The following INPP4A variants were observed in gnomAD, a reference collection of about 807,000 sequenced individuals.
INPP4A encodes inositol polyphosphate-4-phosphatase type I A.
INPP4A carries 33 observed loss-of-function variants against 119.8 expected under a neutral mutation model. The observed-to-expected ratio is 0.28, with a 90% CI of 0.21 to 0.37. INPP4A has a LOEUF of 0.37. Ranked by LOEUF, INPP4A falls within the 10% of genes least tolerant of loss-of-function variation. The pLI, the probability that INPP4A is intolerant of heterozygous loss-of-function variation, is 1.00. For synonymous variants in INPP4A, 496 were observed against 500.7 expected, an observed-to-expected ratio of 0.99 and a Z score of 0.12; for missense variants, 956 against 1,289.9, an observed-to-expected ratio of 0.74 and a Z score of 3.97.
At chr2:98,514,162 A>G (rs1363741525) in intron 1 of INPP4A, among the ~76,000 whole-genome samples, 4 of 152,202 alleles carry the variant, frequency 2.6e-5, no homozygotes, top group Admixed American at 6.5e-5. Context: ...CGTTAAAGTC[A>G]TCTCACACCA....
intron 4 of INPP4A, among the ~76,000 whole-genome samples, chr2:98,530,537 CA>C (rs775447781): frequency 6.6e-6 from 1 of 152,174 alleles, no homozygotes; most frequent in Non-Finnish European, 1.5e-5. Flanking sequence ...ATAGGGACTA[CA>C]GGTTCATTAA....
intron 14 of INPP4A, among the ~76,000 whole-genome samples, chr2:98,553,790 C>T (rs1344478268): frequency 6.6e-6 from 1 of 152,204 alleles, no homozygotes; most frequent in African/African-American, 2.4e-5. Context: ...CAGAATTCTC[C>T]AAAACCAGAC....
At chr2:98,580,745 A>G (rs1268033597) in intron 24 of INPP4A, among the ~76,000 whole-genome samples, 1 of 152,234 alleles carries the variant, frequency 6.6e-6, no homozygotes, top group Non-Finnish European at 1.5e-5. Context: ...GAGCCTTCAC[A>G]GGCTGCCTGC....
intron 13 of INPP4A, among the ~76,000 whole-genome samples, chr2:98,548,223 G>A (rs1200833892): frequency 6.6e-6 from 1 of 152,186 alleles, no homozygotes; most frequent in Non-Finnish European, 1.5e-5. Context: ...CCGGAGGGAG[G>A]AGAAACAGGG....
intron 24 of INPP4A, among the ~76,000 whole-genome samples, chr2:98,586,962 C>T (rs1434948826): frequency 6.6e-6 from 1 of 152,224 alleles, no homozygotes; most frequent in Non-Finnish European, 1.5e-5. Flanking sequence ...GACCAGAACG[C>T]CTTCCTAGCC....
At chr2:98,545,107 G>T (rs192596493) in intron 11 of INPP4A, among the ~76,000 whole-genome samples, 2 of 152,152 alleles carry the variant, frequency 1.3e-5, no homozygotes, top group Non-Finnish European at 2.9e-5. Flanking sequence ...CTCATGGTGC[G>T]GTCTGTGGAC....
intron 8 of INPP4A, among the ~76,000 whole-genome samples, 192 bp downstream of exon 8, chr2:98,538,166 C>G (rs958246860): frequency 6.6e-6 from 1 of 152,198 alleles, no homozygotes; most frequent in African/African-American, 2.4e-5. Flanking sequence ...GCCTGTAAAG[C>G]CCTGCTGCCC....
intron 1 of INPP4A, among the ~76,000 whole-genome samples, chr2:98,517,133 C>T (rs1286687087): frequency 2.0e-5 from 3 of 152,150 alleles, no homozygotes; most frequent in Admixed American, 6.5e-5. Context: ...ACTCTCCATA[C>T]TCTGGATGCC....
At chr2:98,462,854 A>T (rs1361862233) in intron 1 of INPP4A, among the ~76,000 whole-genome samples, 5 of 151,810 alleles carry the variant, frequency 3.3e-5, no homozygotes, top group African/African-American at 1.2e-4. Flanking sequence ...ATTTATTTTT[A>T]ATTTTTAATT....
chr2:98,516,466 T>C (rs1466621021), intron 1 of INPP4A, among the ~76,000 whole-genome samples: 1 of 152,104 alleles, frequency 6.6e-6, no homozygotes, highest in Non-Finnish European at 1.5e-5. Flanking sequence ...GCAGGGACCC[T>C]GCAGGGAGAG....
intron 1 of INPP4A, among the ~76,000 whole-genome samples, chr2:98,481,460 TAATCC>T (rs1337215680): frequency 6.6e-6 from 1 of 152,238 alleles, no homozygotes; most frequent in Non-Finnish European, 1.5e-5. Flanking sequence ...GGCTCTTGGA[TAATCC>T]TGTGGTCTCT....
chr2:98,466,078 C>G (rs1674720706), intron 1 of INPP4A, among the ~76,000 whole-genome samples: 1 of 152,178 alleles, frequency 6.6e-6, no homozygotes, highest in African/African-American at 2.4e-5. Flanking sequence ...TGGAGTCTCA[C>G]TCTGTTGCCC....
rs1293996326 is a variant in INPP4A at position 98,539,549 on chromosome 2, G to A, written c.692G>A (p.Arg231His). ...TCAGTGTTCGGTGGTGCCATCTGCC[G>A]CATGTACCGGTTTCCAACCACTGAT... ...LKSVFGGAIC[R>H]MYRFPTTDGN... is the part of the protein sequence containing the mutation. The change falls in exon 10 of 25, where the codon CGC becomes CAC. Residue 231 changes from arginine (R) to histidine (H), a missense_variant. Coordinates refer to ENST00000409851, the MANE Select transcript of INPP4A (RefSeq NM_001134225.2). 1.7e-5 allele frequency: 27 copies of A among 1,610,404 alleles called. No individual in the cohort carries two copies. Among genetic ancestry groups the A allele is most frequent in the Non-Finnish European group, 2.0e-5 (24 of 1,177,974 alleles).
At chr2:98,538,435 A>G (rs1463936020) in intron 8 of INPP4A, among the ~76,000 whole-genome samples, 1 of 151,942 alleles carries the variant, frequency 6.6e-6, no homozygotes, top group Non-Finnish European at 1.5e-5. Flanking sequence ...CCCCCTCTCT[A>G]GCTACACCCT....
In INPP4A at chr2:98,543,569, G is replaced by A. The variant is rs546205012; in HGVS notation, c.819-308G>A. 4.6e-5 allele frequency among the ~76,000 whole-genome samples: 7 copies of A among 152,336 alleles called. No individual in the cohort carries two copies. In the East Asian group the frequency reaches 1.4e-3, roughly 29 times the overall value. On this transcript the variant is annotated intron_variant, in intron 10 of 24. Coordinates refer to ENST00000409851, the MANE Select transcript of INPP4A (RefSeq NM_001134225.2). Reference sequence around the variant, plus strand: ...GGCACCTGCAGGTCGTCAGGGTAAAGCTTCTCCCTAGCAGCCTGTCTTCTT... The same window carrying A: ...GGCACCTGCAGGTCGTCAGGGTAAAACTTCTCCCTAGCAGCCTGTCTTCTT...
At chr2:98,485,083 C>T (rs1679272662) in intron 1 of INPP4A, among the ~76,000 whole-genome samples, 1 of 152,062 alleles carries the variant, frequency 6.6e-6, no homozygotes, top group Non-Finnish European at 1.5e-5. Flanking sequence ...TAAACTCCAG[C>T]TCCGCACATC....
At chr2:98,536,585 G>C (rs1384287181) in intron 7 of INPP4A, among the ~76,000 whole-genome samples, 1 of 152,128 alleles carries the variant, frequency 6.6e-6, no homozygotes, top group Admixed American at 6.5e-5. Flanking sequence ...TGTGTCTGGT[G>C]CTCAATAAAT....
At chr2:98,568,472 T>A in intron 21 of INPP4A, 99 bp from the exon 22 acceptor site, 1 of 656,466 alleles carries the variant, frequency 1.5e-6, no homozygotes, top group South Asian at 1.8e-5. Flanking sequence ...GCATAGTAAA[T>A]GTTTGAGAGA....
At chr2:98,573,051 T>A (rs148366685) in intron 23 of INPP4A, 124 bp downstream of exon 23, 88 of 705,512 alleles carry the variant, frequency 1.2e-4, no homozygotes, top group Non-Finnish European at 1.8e-4. Context: ...GAGGAGGGAG[T>A]CACTGAGTAC....
Sources: allele counts gnomAD v4.1 joint callset (sites outside exome capture counted in the v4.1 genomes callset), GRCh38; gene constraint gnomAD v4.1.1; transcripts MANE v1.5; gene names NCBI Gene and HGNC (gene_info 2026-07-23, HGNC 2026-07-21).